The following CDK14 variants were observed in gnomAD, a reference collection of about 807,000 sequenced individuals.
The protein encoded by CDK14 is cyclin dependent kinase 14.
A neutral mutation model predicts 60.7 loss-of-function variants in CDK14; 34 were observed. That is an observed-to-expected ratio of 0.56 (90% CI 0.43 to 0.75). The LOEUF is 0.75. Among genes scored for constraint, CDK14 ranks in the 30% least tolerant of loss-of-function variants. The pLI is 0.00. For missense variants in CDK14, 482 were observed against 564.1 expected, an observed-to-expected ratio of 0.85 and a Z score of 1.47; for synonymous variants, 197 against 203.7, an observed-to-expected ratio of 0.97 and a Z score of 0.28.
chr7:90,771,394 T>C (rs1363117452), intron 4 of CDK14, among the ~76,000 whole-genome samples: 4 of 152,196 alleles, frequency 2.6e-5, no homozygotes, highest in African/African-American at 7.2e-5. Flanking sequence ...TACAGCTATT[T>C]TACTCTCACA....
At chr7:90,924,657 C>T (rs1261827265) in intron 8 of CDK14, among the ~76,000 whole-genome samples, 3 of 152,074 alleles carry the variant, frequency 2.0e-5, no homozygotes, top group Non-Finnish European at 4.4e-5. Flanking sequence ...AAAAACTGAC[C>T]AGCTACTATG....
intron 14 of CDK14, among the ~76,000 whole-genome samples, chr7:91,154,179 T>TAAA (rs112930504): frequency 6.6e-6 from 1 of 151,544 alleles, no homozygotes; most frequent in African/African-American, 2.4e-5. Flanking sequence ...TTTTTTTTTT[T>TAAA]AAACAGAATT....
chr7:90,753,152 A>G (rs1418615247), intron 4 of CDK14, among the ~76,000 whole-genome samples: 1 of 152,194 alleles, frequency 6.6e-6, no homozygotes, highest in Non-Finnish European at 1.5e-5. Flanking sequence ...TGATGAAGCC[A>G]GCATCATCCT....
At chr7:90,832,982 C>T (rs767671839) in intron 5 of CDK14, among the ~76,000 whole-genome samples, 1 of 152,162 alleles carries the variant, frequency 6.6e-6, no homozygotes, top group Non-Finnish European at 1.5e-5. Flanking sequence ...TTTCCCACAT[C>T]CAGCCATCAC....
intron 11 of CDK14, among the ~76,000 whole-genome samples, chr7:91,054,529 C>A (rs1373075209): frequency 6.6e-6 from 1 of 152,116 alleles, no homozygotes; most frequent in Admixed American, 6.5e-5. Context: ...AATATGTAAA[C>A]ATGACAGGAA....
intron 14 of CDK14, among the ~76,000 whole-genome samples, chr7:91,194,781 C>T (rs756280178): frequency 2.6e-5 from 4 of 152,130 alleles, no homozygotes; most frequent in Non-Finnish European, 5.9e-5. Context: ...AAATATGTTG[C>T]ATTCTTGATT....
At chr7:90,683,962 G>A (rs531261321) in intron 2 of CDK14, among the ~76,000 whole-genome samples, 1 of 151,730 alleles carries the variant, frequency 6.6e-6, no homozygotes, top group Non-Finnish European at 1.5e-5. Flanking sequence ...TCACATGCAT[G>A]TATGTGTATA....
At position 91,007,518 on chromosome 7, in the gene CDK14, A is replaced by G. The variant is rs529624894; in HGVS notation, c.1041+23277A>G. 7.2e-5 allele frequency among the ~76,000 whole-genome samples: 11 copies of G among 152,320 alleles called. No individual in the cohort carries two copies. In the South Asian group the frequency reaches 2.3e-3, roughly 32 times the overall value. ...CACCGTATGCATTTCCAGACAGAAC[A>G]CTGCTAGACACATTTATAAAATGTA... is the stretch of plus-strand genomic sequence containing the variant. On this transcript the variant is annotated intron_variant, in intron 10 of 14. Coordinates refer to ENST00000380050, the MANE Select transcript of CDK14 (RefSeq NM_001287135.2).
intron 2 of CDK14, among the ~76,000 whole-genome samples, chr7:90,663,954 A>G (rs1418334846): frequency 3.9e-5 from 6 of 152,172 alleles, no homozygotes; most frequent in East Asian, 3.9e-4. Flanking sequence ...TTTGCAATTA[A>G]ACTAAAGAGC....
chr7:90,726,626 C>T lies in CDK14; in HGVS notation c.183C>T (p.Pro61=), dbSNP rs144891494. 6.3e-4 allele frequency: 1,024 copies of T among 1,613,674 alleles called. 8 individuals are homozygous for T. The African/African-American group carries it at 0.012, about 19-fold the overall frequency. ...AGGGAATGGACTCAGTGATCAAACC[C>T]CTGGACACAATTCCTGAGGATAAAA... ...NCQGMDSVIK[P]LDTIPEDKKV... is the part of the protein sequence containing the mutation. Residue 61 remains proline (P), a synonymous_variant, in exon 3 of 15, where the codon CCC becomes CCT. Coordinates refer to ENST00000380050, the MANE Select transcript of CDK14 (RefSeq NM_001287135.2).
intron 9 of CDK14, among the ~76,000 whole-genome samples, chr7:90,982,645 CTT>C (rs1293994614): frequency 1.3e-5 from 2 of 152,246 alleles, no homozygotes; most frequent in African/African-American, 4.8e-5. Context: ...CTTGAGGACT[CTT>C]ATACATCAGG....
chr7:91,138,219 G>C (rs889827247), intron 14 of CDK14, among the ~76,000 whole-genome samples: 2 of 152,132 alleles, frequency 1.3e-5, no homozygotes, highest in African/African-American at 4.8e-5. Flanking sequence ...CTGCAATTCT[G>C]TATGAAGGCT....
chr7:90,947,323 A>G (rs986653595), intron 8 of CDK14, among the ~76,000 whole-genome samples: 8 of 152,158 alleles, frequency 5.3e-5, no homozygotes, highest in African/African-American at 1.7e-4. Context: ...CTACCATCCA[A>G]TGTGAGCCCC....
intron 10 of CDK14, among the ~76,000 whole-genome samples, chr7:90,990,412 A>T (rs1413144328): frequency 2.6e-5 from 4 of 152,220 alleles, no homozygotes; most frequent in African/African-American, 9.6e-5. Flanking sequence ...AATCAATTTT[A>T]GAAAAACAAA....
At chr7:90,860,683 A>G (rs1477362986) in intron 5 of CDK14, among the ~76,000 whole-genome samples, 2 of 151,866 alleles carry the variant, frequency 1.3e-5, no homozygotes, top group Non-Finnish European at 2.9e-5. Context: ...GTGCCACCAC[A>G]CCTAGCTAAT....
chr7:90,720,722 T>G (rs1408624914), intron 2 of CDK14, among the ~76,000 whole-genome samples: 1 of 152,172 alleles, frequency 6.6e-6, no homozygotes, highest in Non-Finnish European at 1.5e-5. Context: ...TCTATTCTTT[T>G]TTATACCTTT....
At chr7:90,806,390 T>C (rs1788835957) in intron 5 of CDK14, among the ~76,000 whole-genome samples, 2 of 152,246 alleles carry the variant, frequency 1.3e-5, no homozygotes, top group Middle Eastern at 3.4e-3. Context: ...ATATTAAAAA[T>C]ATATAAAGAG....
chr7:90,932,500 G>T (rs1793623995), intron 8 of CDK14, among the ~76,000 whole-genome samples: 2 of 152,122 alleles, frequency 1.3e-5, no homozygotes, highest in South Asian at 4.1e-4. Flanking sequence ...ATGTTCATTA[G>T]CTAATGATTA....
At chr7:90,827,092 C>G (rs1789752076) in intron 5 of CDK14, among the ~76,000 whole-genome samples, 1 of 151,378 alleles carries the variant, frequency 6.6e-6, no homozygotes, top group African/African-American at 2.4e-5. Flanking sequence ...CTGTCCCTGT[C>G]TTCCATCTAC....
Sources: allele counts gnomAD v4.1 joint callset (sites outside exome capture counted in the v4.1 genomes callset), GRCh38; gene constraint gnomAD v4.1.1; transcripts MANE v1.5; gene names NCBI Gene and HGNC (gene_info 2026-07-23, HGNC 2026-07-21).